The following LCLAT1 variants were observed in gnomAD, a reference collection of about 807,000 sequenced individuals.
The protein encoded by LCLAT1 is 1-AGP acyltransferase 8.
In LCLAT1, 11 loss-of-function variants were observed where a neutral mutation model predicts 30.7. The observed-to-expected ratio is 0.36, with a 90% CI of 0.23 to 0.59. The LOEUF is 0.59. LCLAT1 is among the 20% of genes least tolerant of loss of function. LCLAT1 has a pLI of 0.77. For synonymous variants in LCLAT1, 155 were observed against 151.3 expected, an observed-to-expected ratio of 1.02 and a Z score of -0.18; for missense variants, 402 against 458.6, an observed-to-expected ratio of 0.88 and a Z score of 1.13.
In LCLAT1 at chr2:30,641,993, C is replaced by G. The variant is rs1001752404; in HGVS notation, c.*1374C>G. On this transcript the variant is annotated 3_prime_UTR_variant, in exon 6 of 6. Transcript: ENST00000379509. ...TAAAAGTCTTTAGCTGTTAGCAAAC[C>G]TGTTAGTTTTACTTCTGCATTGAAC... 6 of 151,812 alleles carry G rather than the reference C, an allele frequency of 4.0e-5. No homozygotes were observed. Among genetic ancestry groups the G allele is most frequent in the Admixed American group, 3.9e-4 (6 of 15,224 alleles). 9.4% of individuals were successfully genotyped at this position (151,812 alleles called of 1,614,324 possible).
intron 3 of LCLAT1, 85 bp downstream of exon 3, chr2:30,533,399 G>A (rs829625): frequency 0.092 from 110,637 of 1,198,344 alleles, 5,603 homozygotes; most frequent in East Asian, 0.12. Context: ...GCATTAAAGC[G>A]ATTCCATTTT....
intron 3 of LCLAT1, among the ~76,000 whole-genome samples, chr2:30,552,206 T>G (rs10197664): frequency 0.63 from 95,420 of 151,982 alleles, 30,289 homozygotes; most frequent in Non-Finnish European, 0.68. Context: ...ATTTCCAATC[T>G]CATATAATAT....
In LCLAT1 at chr2:30,517,872, C is replaced by T. The variant is rs373705292; in HGVS notation, c.-4-7715C>T. ...ATAATTGATAATTGAAGATCCTCTC[C>T]GTGACCCTGTAACACTCCAATACCA... On this transcript the variant is annotated intron_variant, in intron 1 of 5. Transcript: ENST00000379509. Among the ~76,000 whole-genome samples, 11 of 152,194 alleles carry T rather than the reference C, an allele frequency of 7.2e-5. No individual in the cohort carries two copies. In the East Asian group the frequency reaches 7.7e-4, roughly 11 times the overall value.
intron 1 of LCLAT1, among the ~76,000 whole-genome samples, chr2:30,510,779 C>CT (rs1416363437): frequency 1.3e-5 from 2 of 151,966 alleles, no homozygotes; most frequent in African/African-American, 4.8e-5. Flanking sequence ...TTCTGCTGGG[C>CT]TTTTTGGGAG....
intron 2 of LCLAT1, among the ~76,000 whole-genome samples, chr2:30,528,989 A>G (rs1428608130): frequency 1.3e-5 from 2 of 152,182 alleles, no homozygotes; most frequent in Non-Finnish European, 2.9e-5. Flanking sequence ...TTTATCTCAT[A>G]CTCGTACAAG....
intron 5 of LCLAT1, among the ~76,000 whole-genome samples, chr2:30,613,169 A>G (rs934337417): frequency 3.9e-5 from 6 of 152,142 alleles, no homozygotes; most frequent in Non-Finnish European, 8.8e-5. Flanking sequence ...GTAGCAGAGA[A>G]TGAGGGCAGA....
intron 1 of LCLAT1, among the ~76,000 whole-genome samples, chr2:30,468,863 C>T (rs1682616704): frequency 6.6e-6 from 1 of 152,136 alleles, no homozygotes; most frequent in South Asian, 2.1e-4. Context: ...ATTTTACATT[C>T]CCACCAGCAA....
Position 30,644,171 on chromosome 2 carries a change from AGTTGT to A in LCLAT1, c.*3556_*3560del, listed in dbSNP as rs1328000973. 6.6e-6 allele frequency: 1 copy of A among 152,122 alleles called. No individual in the cohort carries two copies. Among genetic ancestry groups the A allele is most frequent in the Non-Finnish European group, 1.5e-5 (1 of 68,034 alleles). 9.4% of individuals were successfully genotyped at this position (152,122 alleles called of 1,614,324 possible). A position where few individuals can be genotyped will look rare whatever the true frequency, so the allele number is the denominator to read the frequency against. ...TTCAATGTCTGATGGTATATTTGTG[AGTTGT>A]GTTATCTGTAATATACATCCCAGAA... On this transcript the variant is annotated 3_prime_UTR_variant, in exon 6 of 6. Coordinates refer to ENST00000379509, the MANE Select transcript of LCLAT1 (RefSeq NM_001002257.3).
rs564198446 is a variant in LCLAT1 at position 30,595,206 on chromosome 2, G to A, written c.628+27030G>A. ...CTCTTTTCTTTCTAGGGACTGCTCT[G>A]TAATATGTTATTACTGGTTTAAAGC... On this transcript the variant is annotated intron_variant, in intron 5 of 5. Transcript: ENST00000379509. Among the ~76,000 whole-genome samples the A allele has an allele frequency of 1.3e-4, 20 of 152,148 alleles. No homozygotes were observed. The South Asian group carries it at 2.1e-3, about 16-fold the overall frequency.
intron 5 of LCLAT1, among the ~76,000 whole-genome samples, chr2:30,622,349 T>A (rs1668300236): frequency 6.6e-6 from 1 of 152,054 alleles, no homozygotes; most frequent in Non-Finnish European, 1.5e-5. Flanking sequence ...ACAAAGGACA[T>A]AAATTTCTTG....
chr2:30,490,275 T>A (rs1223355209), intron 1 of LCLAT1, among the ~76,000 whole-genome samples: 4 of 148,342 alleles, frequency 2.7e-5, no homozygotes, highest in Non-Finnish European at 5.9e-5. Context: ...CAATCTCAGC[T>A]CACTGCAAGC....
chr2:30,620,183 A>G (rs767748923), intron 5 of LCLAT1, among the ~76,000 whole-genome samples: 13 of 152,112 alleles, frequency 8.5e-5, no homozygotes, highest in Non-Finnish European at 1.5e-4. Context: ...ACAACTTCCC[A>G]TGGTCCTCTC....
intron 3 of LCLAT1, among the ~76,000 whole-genome samples, chr2:30,554,657 A>C (rs1430320725): frequency 6.6e-6 from 1 of 152,220 alleles, no homozygotes; most frequent in African/African-American, 2.4e-5. Flanking sequence ...TATAGTAAGC[A>C]CACAGTAAAC....
rs1237661825 is a variant in LCLAT1 at position 30,480,232 on chromosome 2, G to A, written c.-5+32849G>A. Among the ~76,000 whole-genome samples, 7 of 152,060 alleles carry A rather than the reference G, an allele frequency of 4.6e-5. 1 individual carries two copies. In the South Asian group the frequency reaches 1.2e-3, roughly 27 times the overall value. ...ACACTTACTTTTTTTCTTTTTTCCA[G>A]ACAGGGGCTTGCTCTTTTGTCCAGG... On this transcript the variant is annotated intron_variant, in intron 1 of 5. Transcript: ENST00000379509.
chr2:30,556,083 C>T (rs978323965), intron 3 of LCLAT1, among the ~76,000 whole-genome samples: 48 of 151,998 alleles, frequency 3.2e-4, no homozygotes, highest in Admixed American at 1.0e-3. Context: ...CGTGAGCCAC[C>T]GTGACCGGCA....
chr2:30,466,656 C>G (rs185810634), intron 1 of LCLAT1, among the ~76,000 whole-genome samples: 1 of 152,238 alleles, frequency 6.6e-6, no homozygotes, highest in East Asian at 1.9e-4. Flanking sequence ...TGGTGAATAT[C>G]AGTCTCAGCT....
At chr2:30,578,130 C>T (rs151119811) in intron 5 of LCLAT1, among the ~76,000 whole-genome samples, 48 of 152,238 alleles carry the variant, frequency 3.2e-4, no homozygotes, top group African/African-American at 1.1e-3. Flanking sequence ...CAGATTTCCT[C>T]TCCAAAATCT....
At chr2:30,569,395 A>C (rs1349278440) in intron 5 of LCLAT1, among the ~76,000 whole-genome samples, 1 of 152,258 alleles carries the variant, frequency 6.6e-6, no homozygotes, top group Non-Finnish European at 1.5e-5. Context: ...TCGGAAACAT[A>C]CTGAAGTGTT....
chr2:30,569,430 C>G (rs1357281563), intron 5 of LCLAT1, among the ~76,000 whole-genome samples: 1 of 152,190 alleles, frequency 6.6e-6, no homozygotes, highest in East Asian at 1.9e-4. Context: ...TCAAAGCCCA[C>G]AGTCAACTAA....
Sources: gnomAD v4.1 joint callset for allele counts (sites outside exome capture counted in the v4.1 genomes callset) on GRCh38, gnomAD v4.1.1 for gene constraint, MANE v1.5 for transcripts, NCBI Gene and HGNC (gene_info 2026-07-23, HGNC 2026-07-21) for gene names.